Variants in NXN observed in about 807,000 individuals in gnomAD.
NXN encodes nucleoredoxin 1.
In NXN, 16 loss-of-function variants were observed where a neutral mutation model predicts 48.6. The observed-to-expected ratio is 0.33, with a 90% CI of 0.22 to 0.50. The LOEUF (loss-of-function observed/expected upper bound fraction) is 0.50. Ranked by LOEUF, NXN falls within the 20% of genes least tolerant of loss-of-function variation. The pLI, the probability that NXN is intolerant of heterozygous loss-of-function variation, is 0.98. For synonymous variants in NXN, 281 were observed against 269.6 expected (o/e 1.04, Z -0.41); for missense variants, 492 against 605.5 (o/e 0.81, Z 1.97).
In NXN at chr17:832,157, T is replaced by C. The variant is rs1597641294; in HGVS notation, c.361-6079A>G. Among the ~76,000 whole-genome samples, 3 of 149,872 alleles carry C rather than the reference T, an allele frequency of 2.0e-5. No individual in the cohort carries two copies. In the South Asian group the frequency reaches 6.3e-4, roughly 32 times the overall value. Reference sequence around the variant, plus strand: ...CCCTATTACCCTTCAAACGTAAGCATGTGCTTTGCTCTTAGCCAGGAATTT... The same window carrying C: ...CCCTATTACCCTTCAAACGTAAGCACGTGCTTTGCTCTTAGCCAGGAATTT... On this transcript the variant is annotated intron_variant, in intron 1 of 7. Transcript: ENST00000336868.
intron 3 of NXN, 59 bp downstream of exon 3, chr17:823,573 G>C: frequency 1.3e-6 from 2 of 1,598,142 alleles, no homozygotes. Context: ...CCACAGCTGG[G>C]CCTGCTGGGA....
intron 1 of NXN, among the ~76,000 whole-genome samples, chr17:899,317 T>C (rs527273699): frequency 6.6e-6 from 1 of 152,140 alleles, no homozygotes; most frequent in South Asian, 2.1e-4. Flanking sequence ...GTCTCCTTAC[T>C]TTGCTTAATA....
chr17:896,367 A>G (rs7210440), intron 1 of NXN, among the ~76,000 whole-genome samples: 34,919 of 149,544 alleles, frequency 0.23, 4,500 homozygotes, highest in Middle Eastern at 0.38. Context: ...TTAAGTAAGC[A>G]AGGCATGGTG....
intron 1 of NXN, among the ~76,000 whole-genome samples, chr17:937,302 G>A (rs1749023469): frequency 6.6e-6 from 1 of 152,014 alleles, no homozygotes. Context: ...GCAAGGTGCA[G>A]GGCAAAAAAG....
chr17:954,946 C>G (rs994778789), intron 1 of NXN, among the ~76,000 whole-genome samples: 10 of 152,166 alleles, frequency 6.6e-5, no homozygotes, highest in African/African-American at 2.2e-4. Context: ...TTTGTTTTTT[C>G]AGCCCTGGGT....
chr17:926,606 T>C (rs928690498), intron 1 of NXN, among the ~76,000 whole-genome samples: 4 of 150,744 alleles, frequency 2.7e-5, no homozygotes, highest in Non-Finnish European at 4.4e-5. Context: ...AGTGCAGTGG[T>C]GCAATCTCGG....
intron 1 of NXN, among the ~76,000 whole-genome samples, chr17:866,574 T>C (rs1323497756): frequency 2.0e-5 from 3 of 152,032 alleles, no homozygotes; most frequent in South Asian, 2.1e-4. Flanking sequence ...TCTCAATAAA[T>C]AGATAAATGA....
chr17:937,218 G>A (rs185006014), intron 1 of NXN, among the ~76,000 whole-genome samples: 6 of 152,086 alleles, frequency 3.9e-5, no homozygotes, highest in East Asian at 3.9e-4. Context: ...TACTGAGCTC[G>A]GGTGATCCGC....
At chr17:902,490 C>T (rs188416969) in intron 1 of NXN, among the ~76,000 whole-genome samples, 25 of 152,274 alleles carry the variant, frequency 1.6e-4, no homozygotes, top group Admixed American at 1.6e-3. Flanking sequence ...AAGATGCTGC[C>T]TCACTGGGCC....
At chr17:936,181 G>A (rs2068905790) in intron 1 of NXN, among the ~76,000 whole-genome samples, 1 of 151,114 alleles carries the variant, frequency 6.6e-6, no homozygotes, top group South Asian at 2.1e-4. Flanking sequence ...CCTCTCACCA[G>A]CACGCCACTC....
chr17:900,818 T>A (rs2015684), intron 1 of NXN, among the ~76,000 whole-genome samples: 120,782 of 151,930 alleles, frequency 0.79, 48,273 homozygotes, highest in Middle Eastern at 0.9. Context: ...AGAGACGTTA[T>A]AAATGACCCA....
intron 1 of NXN, among the ~76,000 whole-genome samples, chr17:962,734 C>G (rs1407463134): frequency 6.6e-6 from 1 of 152,078 alleles, no homozygotes. Flanking sequence ...TAGAAGTGCC[C>G]GGCACGGAGA....
intron 1 of NXN, among the ~76,000 whole-genome samples, chr17:930,967 C>T (rs1365813446): frequency 1.3e-5 from 2 of 152,108 alleles, no homozygotes; most frequent in East Asian, 1.9e-4. Flanking sequence ...GATGGGGTTT[C>T]ACCATGTTGG....
At chr17:925,842 A>G (rs1182111551) in intron 1 of NXN, among the ~76,000 whole-genome samples, 1 of 152,224 alleles carries the variant, frequency 6.6e-6, no homozygotes, top group Admixed American at 6.5e-5. Flanking sequence ...CCCAAGAAGT[A>G]CATGGTGGGC....
intron 1 of NXN, among the ~76,000 whole-genome samples, chr17:866,783 G>A (rs1361110013): frequency 6.6e-6 from 1 of 152,252 alleles, no homozygotes; most frequent in Non-Finnish European, 1.5e-5. Flanking sequence ...ACTGCTAGAT[G>A]TGGACTAATC....
At position 919,700 on chromosome 17, in the gene NXN, C is replaced by A. The variant is rs185788622; in HGVS notation, c.360+59619G>T. On this transcript the variant is annotated intron_variant, in intron 1 of 7. Transcript: ENST00000336868. The surrounding 1 kb of genome is among the most constrained non-coding windows in gnomAD (Gnocchi z 5.1). ...ACCAATCAGCCCTTACCAGGCAGTG[C>A]GTGGCTCCAGAACAACAACTGAAAA... Among the ~76,000 whole-genome samples, 2 of 152,206 alleles carry A rather than the reference C, an allele frequency of 1.3e-5. No homozygotes were observed. The highest frequency in any genetic ancestry group is 4.8e-5 in the African/African-American group (2 of 41,536).
intron 1 of NXN, among the ~76,000 whole-genome samples, chr17:908,517 C>G (rs113587781): frequency 6.6e-6 from 1 of 152,086 alleles, no homozygotes; most frequent in Non-Finnish European, 1.5e-5. Context: ...GCCTGGGCAA[C>G]AGAACGAGAC....
chr17:849,324 G>A lies in NXN; in HGVS notation c.361-23246C>T, dbSNP rs567001554. Among the ~76,000 whole-genome samples, 21 of 152,336 alleles carry A rather than the reference G, an allele frequency of 1.4e-4. No individual in the cohort carries two copies. The highest frequency in any genetic ancestry group is 4.8e-4 in the African/African-American group (20 of 41,584). On this transcript the variant is annotated intron_variant, in intron 1 of 7. Coordinates refer to ENST00000336868, the MANE Select transcript of NXN (RefSeq NM_022463.5). This position sits in a 1 kb window ranked among gnomAD's most constrained non-coding sequence, Gnocchi z 4.2. ...GAGACAGGTGGGTCACCTGAGGTCAGGAGTTAGAGACCACCCTGGCAAACA... is the reference window on the plus strand; with the variant it reads ...GAGACAGGTGGGTCACCTGAGGTCAAGAGTTAGAGACCACCCTGGCAAACA...
chr17:912,814 C>T (rs758462998), intron 1 of NXN, among the ~76,000 whole-genome samples: 12 of 151,844 alleles, frequency 7.9e-5, no homozygotes, highest in African/African-American at 2.2e-4. Context: ...ATTAGCCGGG[C>T]GTGGTGGTAC....
Sources: gnomAD v4.1 joint callset for allele counts (sites outside exome capture counted in the v4.1 genomes callset) on GRCh38, gnomAD v4.1.1 for gene constraint, Gnocchi (gnomAD v3.1) non-coding constraint, MANE v1.5 for transcripts, NCBI Gene and HGNC (gene_info 2026-07-23, HGNC 2026-07-21) for gene names.